The following AGBL5 variants were observed in gnomAD, a reference collection of about 807,000 sequenced individuals.
AGBL5 encodes the protein cytosolic carboxypeptidase-like protein 5.
AGBL5 carries 51 observed loss-of-function variants against 88.0 expected under a neutral mutation model. The ratio of observed to expected loss-of-function variants is 0.58; its 90% confidence interval spans 0.46 to 0.73. The LOEUF (loss-of-function observed/expected upper bound fraction) is 0.73, where lower values mean the gene tolerates loss of function less well. AGBL5 is among the 30% of genes least tolerant of loss of function. The pLI is 0.00. For synonymous variants in AGBL5, 446 were observed against 438.8 expected, an observed-to-expected ratio of 1.02 and a Z score of -0.21; for missense variants, 1,031 against 1,162.2, an observed-to-expected ratio of 0.89 and a Z score of 1.64.
At chr2:27,062,843 C>G (rs1269032043) in intron 11 of AGBL5, 1 of 152,192 alleles carries the variant, frequency 6.6e-6, no homozygotes, top group Non-Finnish European at 1.5e-5. Flanking sequence ...AGCTTGTGTA[C>G]CTAGGTGGGT....
At chr2:27,060,386 A>T (rs1459386644) in intron 11 of AGBL5, among the ~76,000 whole-genome samples, 7 of 152,222 alleles carry the variant, frequency 4.6e-5, no homozygotes, top group Non-Finnish European at 2.9e-5. Flanking sequence ...GGGAAAAAGA[A>T]GAGAAAATTA....
At chr2:27,054,296 C>A in intron 4 of AGBL5, 1 of 556,716 alleles carries the variant, frequency 1.8e-6, no homozygotes, top group Non-Finnish European at 3.1e-6. Context: ...TCTTACTAGC[C>A]CAGCTCCCAT....
intron 6 of AGBL5, 144 bp from the exon 7 acceptor site, chr2:27,055,538 C>G: frequency 1.1e-6 from 1 of 869,652 alleles, no homozygotes; most frequent in Non-Finnish European, 1.7e-6. Flanking sequence ...AAGAGAGGCC[C>G]TGTCTTCAAT....
chr2:27,055,407 A>G, intron 6 of AGBL5, 154 bp downstream of exon 6: 1 of 1,126,188 alleles, frequency 8.9e-7, no homozygotes, highest in Non-Finnish European at 1.3e-6. Flanking sequence ...AAAGCATGAG[A>G]TCATATCTAG....
intron 13 of AGBL5, chr2:27,069,163 G>T (rs571462773): frequency 1.3e-4 from 179 of 1,340,858 alleles, no homozygotes; most frequent in Non-Finnish European, 1.6e-4. Flanking sequence ...AGATCCCCAT[G>T]CTAGGTAAAG....
At chr2:27,063,768 AAC>A (rs1376760538) in intron 11 of AGBL5, among the ~76,000 whole-genome samples, 2 of 152,124 alleles carry the variant, frequency 1.3e-5, no homozygotes, top group African/African-American at 4.8e-5. Flanking sequence ...TGCTGCTGTA[AAC>A]AGTGAGACCT....
At chr2:27,058,161 CAGAA>C (rs1668532761) in intron 9 of AGBL5, among the ~76,000 whole-genome samples, 1 of 152,124 alleles carries the variant, frequency 6.6e-6, no homozygotes, top group Non-Finnish European at 1.5e-5. Context: ...TGGCACCAGC[CAGAA>C]AGAAAGGACA....
rs759432041 is a variant in AGBL5 at position 27,055,236 on chromosome 2, G to A, written c.891G>A (p.Val297=). The part of the protein sequence containing the change: ...KLIPMLNPDG[V]VRGHYRTDSR... ...TTCCCATGTTGAACCCCGATGGTGT[G>A]GTCCGGGGACACTACCGGTAAGTGG... is the stretch of plus-strand genomic sequence containing the variant. The change falls in exon 6 of 15, where the codon GTG becomes GTA. Residue 297 remains valine (V), a synonymous_variant. Transcript: ENST00000360131. 1 of 1,614,178 alleles carries A rather than the reference G, an allele frequency of 6.2e-7. No homozygotes were observed. The highest frequency in any genetic ancestry group is 8.5e-7 in the Non-Finnish European group (1 of 1,180,032).
Position 27,053,867 on chromosome 2 carries a change from C to G in AGBL5, c.388-29C>G. 6.3e-7 allele frequency: 1 copy of G among 1,592,940 alleles called. No individual in the cohort carries two copies. Among genetic ancestry groups the G allele is most frequent in the South Asian group, 1.1e-5 (1 of 88,394 alleles). On this transcript the variant is annotated intron_variant, in intron 3 of 14. Coordinates refer to ENST00000360131, the MANE Select transcript of AGBL5 (RefSeq NM_021831.6). The surrounding 1 kb of genome is among the most constrained non-coding windows in gnomAD (Gnocchi z 4.9). Reference sequence around the variant, plus strand: ...GCTCAGTTCTGACAATGGCATGTTGCCCCTCCCTCTTCCTCCTCTGCTCTT... The same window carrying G: ...GCTCAGTTCTGACAATGGCATGTTGGCCCTCCCTCTTCCTCCTCTGCTCTT...
chr2:27,053,169 A>G lies in AGBL5; in HGVS notation c.211A>G (p.Asn71Asp). The G allele has an allele frequency of 6.3e-7, 1 of 1,595,352 alleles. No individual in the cohort carries two copies. The highest frequency in any genetic ancestry group is 8.6e-7 in the Non-Finnish European group (1 of 1,168,978). Residue 71 changes from asparagine (N) to aspartate (D), a missense_variant, in exon 2 of 15, where the codon AAC (asparagine) becomes GAC (aspartate). By Grantham distance (23) the Asn-to-Asp change is conservative. This residue lies in a region of AGBL5 where 540 missense variants were observed against 678.2 expected (regional missense o/e 0.80). Transcript: ENST00000360131. The surrounding 1 kb of genome is among the most constrained non-coding windows in gnomAD (Gnocchi z 4.9). Reference protein sequence around the residue: ...DCAETEFENGNRSWFYFSVRG... With the variant: ...DCAETEFENGDRSWFYFSVRG... ...TGCTGAAACGGAATTTGAGAATGGG[A>G]ACAGGTATATGGAACGAAATGGAGG...
intron 10 of AGBL5, among the ~76,000 whole-genome samples, chr2:27,058,962 T>A (rs959493725): frequency 9.2e-5 from 14 of 152,204 alleles, no homozygotes; most frequent in African/African-American, 3.4e-4. Flanking sequence ...GTGAAATTCA[T>A]TGGGAGATAA....
At chr2:27,069,550 T>C (rs776055940) in intron 13 of AGBL5, 23 bp from the exon 14 acceptor site, 11 of 1,604,904 alleles carry the variant, frequency 6.9e-6, no homozygotes, top group Non-Finnish European at 8.5e-6. Context: ...TCCAGCCTCT[T>C]AGCGCAAACC....
At chr2:27,058,289 C>A in intron 9 of AGBL5, 111 bp from the exon 10 acceptor site, 1 of 1,277,532 alleles carries the variant, frequency 7.8e-7, no homozygotes, top group Non-Finnish European at 1.1e-6. Context: ...ATCCAATGAG[C>A]AAATTATAGG....
rs763530243 is a variant in AGBL5, at chr2:27,054,705, G to A, written c.627G>A (p.Thr209=). 8 of 1,542,000 alleles carry A rather than the reference G, an allele frequency of 5.2e-6. No individual in the cohort carries two copies. In the African/African-American group the frequency reaches 7.9e-5, roughly 15 times the overall value. The change falls in exon 5 of 15, where the codon ACG becomes ACA. Residue 209 remains threonine (T), a synonymous_variant. Coordinates refer to ENST00000360131, the MANE Select transcript of AGBL5 (RefSeq NM_021831.6). The stretch of plus-strand genomic sequence containing the variant: ...ATGGACTTCGTGTAGATCTGCTGAC[G>A]ATCACTTCCTGCCATGGGCTTCGAG... ...SLDGLRVDLL[T]ITSCHGLRED...
At position 27,067,413 on chromosome 2, in the gene AGBL5, G is replaced by A. The variant is rs569660581; in HGVS notation, c.2090-81G>A. Reference sequence around the variant, plus strand: ...TTGAAAACTGGCATCTTTTGACCACGGAAGCCAGCAGGTCAGTGAAGGCTG... The same window carrying A: ...TTGAAAACTGGCATCTTTTGACCACAGAAGCCAGCAGGTCAGTGAAGGCTG... On this transcript the variant is annotated intron_variant, in intron 11 of 14. Coordinates refer to ENST00000360131, the MANE Select transcript of AGBL5 (RefSeq NM_021831.6). The A allele has an allele frequency of 7.7e-5, 111 of 1,442,104 alleles. No homozygotes were observed. The African/African-American group carries it at 1.3e-3, about 17-fold the overall frequency. The allele number at this position is 1,442,104 out of a possible 1,614,324, so 89.3% of individuals were successfully genotyped here.
At chr2:27,059,602 C>T in intron 11 of AGBL5, 198 bp downstream of exon 11, 1 of 1,313,816 alleles carries the variant, frequency 7.6e-7, no homozygotes, top group Non-Finnish European at 1.0e-6. Flanking sequence ...TGTGTGTGGC[C>T]AGAGGGGGAA....
chr2:27,054,182 T>A, intron 4 of AGBL5, 123 bp downstream of exon 4: 2 of 1,259,592 alleles, frequency 1.6e-6, no homozygotes, highest in Non-Finnish European at 1.1e-6. Context: ...GTACAGAATG[T>A]ACAGACAGGA....
At chr2:27,051,212 G>A (rs554981985), upstream of AGBL5, among the ~76,000 whole-genome samples, 19 of 152,326 alleles carry the variant, frequency 1.2e-4, no homozygotes, top group East Asian at 1.5e-3. Flanking sequence ...TAAGCAGCAG[G>A]CGGGGGATTA....
At chr2:27,054,601 C>A (rs1294249112) in intron 4 of AGBL5, 29 bp from the exon 5 acceptor site, 1 of 1,600,186 alleles carries the variant, frequency 6.2e-7, no homozygotes, top group Admixed American at 1.7e-5. Context: ...TTAGGGACTT[C>A]TCCTGGCTTA....
Sources: gnomAD v4.1 joint callset for allele counts (sites outside exome capture counted in the v4.1 genomes callset) on GRCh38, gnomAD v4.1.1 for gene constraint, gnomAD v4.1.1 regional missense constraint, Gnocchi (gnomAD v3.1) non-coding constraint, MANE v1.5 for transcripts, NCBI Gene and HGNC (gene_info 2026-07-23, HGNC 2026-07-21) for gene names.